The following CZIB variants were observed in gnomAD, a reference collection of about 807,000 sequenced individuals.
The protein encoded by CZIB is UPF0587 protein C1orf123.
In CZIB, 26 loss-of-function variants were observed where a neutral mutation model predicts 28.3. That is an observed-to-expected ratio of 0.92 (90% CI 0.67 to 1.27). The LOEUF (loss-of-function observed/expected upper bound fraction) is 1.27. CZIB is among the 50% of genes most tolerant of loss of function. The pLI is 0.00. For synonymous variants in CZIB, 78 were observed against 71.1 expected (o/e 1.10, Z -0.49); for missense variants, 179 against 197.3 (o/e 0.91, Z 0.56).
In CZIB at chr1:53,216,066, A is replaced by T. The variant is rs1645470564; in HGVS notation, c.340-10T>A. 6.2e-7 allele frequency: 1 copy of T among 1,613,998 alleles called. No homozygotes were observed. Among genetic ancestry groups the T allele is most frequent in the African/African-American group, 1.3e-5 (1 of 75,066 alleles). Reference sequence around the variant, plus strand: ...CAGCAGCAAACCCAGCCTGCAGGGCACAAGAAGGTACCAGTTAGTCTTGGC... The same window carrying T: ...CAGCAGCAAACCCAGCCTGCAGGGCTCAAGAAGGTACCAGTTAGTCTTGGC... On this transcript the variant is annotated splice_polypyrimidine_tract_variant and intron_variant, in intron 6 of 7. Coordinates refer to ENST00000294360, the MANE Select transcript of CZIB (RefSeq NM_017887.3).
intron 2 of CZIB, chr1:53,220,053 A>G: frequency 1.8e-6 from 1 of 555,166 alleles, no homozygotes; most frequent in Non-Finnish European, 3.2e-6. Context: ...AACACAGGGA[A>G]GAACTACAAA....
rs996633087 is a variant in CZIB at position 53,218,992 on chromosome 1, C to A, written c.91-69G>T. The A allele has an allele frequency of 1.2e-5, 16 of 1,370,828 alleles. No homozygotes were observed. The Middle Eastern group carries it at 5.3e-4, about 46-fold the overall frequency. The allele number at this position is 1,370,828 out of a possible 1,614,324, so 84.9% of individuals were successfully genotyped here. On this transcript the variant is annotated intron_variant, in intron 2 of 7. Coordinates refer to ENST00000294360, the MANE Select transcript of CZIB (RefSeq NM_017887.3). ...ACAGACACCAAGGAAAGGGTAAGAACAGTGGGAGGTGGGCAGGCTCATGAT... is the reference window on the plus strand; with the variant it reads ...ACAGACACCAAGGAAAGGGTAAGAAAAGTGGGAGGTGGGCAGGCTCATGAT...
intron 7 of CZIB, among the ~76,000 whole-genome samples, chr1:53,215,726 A>C (rs1408146202): frequency 2.0e-5 from 3 of 152,178 alleles, no homozygotes; most frequent in Non-Finnish European, 4.4e-5. Flanking sequence ...TTGATTCATG[A>C]ACTCACAGCC....
chr1:53,215,454 GTCCT>G (rs771051533), intron 7 of CZIB, among the ~76,000 whole-genome samples: 18 of 152,232 alleles, frequency 1.2e-4, no homozygotes, highest in Non-Finnish European at 2.4e-4. Context: ...TGAAGTTTTT[GTCCT>G]TCCTTCAAGG....
At chr1:53,219,469 G>C (rs1240150248) in intron 2 of CZIB, 1 of 153,430 alleles carries the variant, frequency 6.5e-6, no homozygotes, top group Admixed American at 6.4e-5. Flanking sequence ...ACAATTCTGT[G>C]TCAATTAAGA....
intron 6 of CZIB, 76 bp from the exon 7 acceptor site, chr1:53,216,132 G>T: frequency 7.1e-7 from 1 of 1,399,980 alleles, no homozygotes; most frequent in Non-Finnish European, 1.0e-6. Flanking sequence ...CGGCCAGGCT[G>T]CTGGCTCTTC....
chr1:53,215,778 C>T lies in CZIB; in HGVS notation c.405+213G>A, dbSNP rs113243000. 8.5e-5 allele frequency among the ~76,000 whole-genome samples: 13 copies of T among 152,322 alleles called. No homozygotes were observed. The highest frequency in any genetic ancestry group is 3.1e-4 in the African/African-American group (13 of 41,548). ...ATGCCTGAATAAAGCTTATCTAACA[C>T]GTATTCTCTCTGTAAGGGGCATCAT... On this transcript the variant is annotated intron_variant, in intron 7 of 7. Coordinates refer to ENST00000294360, the MANE Select transcript of CZIB (RefSeq NM_017887.3).
rs1645486103 is a variant in CZIB, at chr1:53,218,193, G to T, written c.240C>A (p.Ser80Arg). The T allele has an allele frequency of 1.9e-6, 3 of 1,614,122 alleles. No individual in the cohort carries two copies. In the South Asian group the frequency reaches 3.3e-5, roughly 18 times the overall value. Residue 80 changes from serine to arginine, a missense_variant, in exon 5 of 8, where the codon AGC (serine) becomes AGA (arginine). Transcript: ENST00000294360. ...TTACATTGTAAGGCTTGATGGTGCT[G>T]CTTAAAATCTCTGAAATAGAAAAGA... ...CARENSIEIL[S>R]STIKPYNAED...
At chr1:53,219,243 C>CA (rs1221778963) in intron 2 of CZIB, 32 of 361,732 alleles carry the variant, frequency 8.8e-5, no homozygotes, top group South Asian at 1.6e-4. Flanking sequence ...TTAGAAGATA[C>CA]AAAATTACAG....
At chr1:53,220,190 G>A in intron 2 of CZIB, 71 bp downstream of exon 2, 2 of 1,340,086 alleles carry the variant, frequency 1.5e-6, no homozygotes, top group Non-Finnish European at 1.0e-6. Flanking sequence ...TCATACTGCC[G>A]GAGAGAAGGC....
intron 7 of CZIB, among the ~76,000 whole-genome samples, chr1:53,215,359 A>G (rs1294848546): frequency 1.3e-5 from 2 of 152,210 alleles, no homozygotes; most frequent in African/African-American, 4.8e-5. Context: ...AAAATAAAAT[A>G]AAAGCACTCA....
At chr1:53,220,401 C>G (rs1353342541) in intron 1 of CZIB, 57 bp from the exon 2 acceptor site, 32 of 1,589,262 alleles carry the variant, frequency 2.0e-5, no homozygotes, top group Non-Finnish European at 2.7e-5. Flanking sequence ...CCCACGCCTG[C>G]CCGACCCTCC....
At chr1:53,216,455 G>A (rs182091022) in intron 6 of CZIB, among the ~76,000 whole-genome samples, 1 of 152,338 alleles carries the variant, frequency 6.6e-6, no homozygotes, top group East Asian at 1.9e-4. Flanking sequence ...ATGAGCACCA[G>A]CTCAAGTCAG....
chr1:53,219,856 T>C (rs571804227), intron 2 of CZIB: 3 of 182,240 alleles, frequency 1.6e-5, no homozygotes, highest in East Asian at 1.7e-4. Context: ...ACCATGCCAC[T>C]AGGGTACCAG....
In CZIB at chr1:53,216,796, C is replaced by A. The variant is rs1003846575; in HGVS notation, c.325G>T (p.Asp109Tyr). The A allele has an allele frequency of 6.2e-7, 1 of 1,614,118 alleles. No homozygotes were observed. Reference protein sequence around the residue: ...EFECRGLEPVDFQPQAGFAAE... With the variant: ...EFECRGLEPVYFQPQAGFAAE... Reference sequence around the variant, plus strand: ...TACACACACACCTGCGGCTGGAAATCAACTGGTTCAAGGCCCCGGCACTCA... The same window carrying A: ...TACACACACACCTGCGGCTGGAAATAAACTGGTTCAAGGCCCCGGCACTCA... The change falls in exon 6 of 8, where the codon GAT becomes TAT. Residue 109 changes from aspartate to tyrosine, a missense_variant. Physicochemically the swap from Asp to Tyr is radical, Grantham distance 160 (BLOSUM62 -3). Transcript: ENST00000294360.
At chr1:53,215,638 TG>T (rs1482618492) in intron 7 of CZIB, among the ~76,000 whole-genome samples, 1 of 152,232 alleles carries the variant, frequency 6.6e-6, no homozygotes, top group Admixed American at 6.5e-5. Context: ...TATGAGCCTC[TG>T]GTCACATTTT....
Position 53,220,600 on chromosome 1 carries a change from G to T in CZIB, c.-25C>A. On this transcript the variant is annotated 5_prime_UTR_variant, in exon 1 of 8. Coordinates refer to ENST00000294360, the MANE Select transcript of CZIB (RefSeq NM_017887.3). ...TGGTAGCCCTCTCCGCCCGGTGCTG[G>T]CTGCGGCCCTTGCCGTTGCTTTCCG... The T allele has an allele frequency of 6.3e-7, 1 of 1,595,708 alleles. No homozygotes were observed. Among genetic ancestry groups the T allele is most frequent in the South Asian group, 1.1e-5 (1 of 90,760 alleles).
chr1:53,218,254 C>T, intron 4 of CZIB, 51 bp from the exon 5 acceptor site: 2 of 1,605,310 alleles, frequency 1.2e-6, no homozygotes, highest in Non-Finnish European at 1.7e-6. Flanking sequence ...ACCCTCGCCC[C>T]AGCCAGGTGC....
chr1:53,216,956 T>G (rs1246473029), intron 5 of CZIB, 97 bp from the exon 6 acceptor site: 2 of 1,066,692 alleles, frequency 1.9e-6, no homozygotes, highest in Non-Finnish European at 2.9e-6. Flanking sequence ...TTACTGCCCC[T>G]GGAGGCCTAG....
Sources: allele counts gnomAD v4.1 joint callset (sites outside exome capture counted in the v4.1 genomes callset), GRCh38; gene constraint gnomAD v4.1.1; transcripts MANE v1.5; gene names NCBI Gene and HGNC (gene_info 2026-07-23, HGNC 2026-07-21).